The following SGCG variants were observed in gnomAD, a reference collection of about 807,000 sequenced individuals.
SGCG encodes the protein gamma-sarcoglycan.
In SGCG, 26 loss-of-function variants were observed where a neutral mutation model predicts 29.3. The ratio of observed to expected loss-of-function variants is 0.89; its 90% CI spans 0.65 to 1.23. The LOEUF is 1.23. Ranked by LOEUF, SGCG falls within the 50% of genes most tolerant of loss-of-function variation. The pLI is 0.00. For synonymous variants in SGCG, 145 were observed against 129.7 expected (o/e 1.12, Z -0.80); for missense variants, 353 against 356.0 (o/e 0.99, Z 0.07).
chr13:23,277,124 T>G (rs1954491026), intron 4 of SGCG, among the ~76,000 whole-genome samples: 1 of 152,218 alleles, frequency 6.6e-6, no homozygotes, highest in Admixed American at 6.5e-5. Context: ...ATTGATATAA[T>G]AACTATAGAA....
At chr13:23,208,566 C>T (rs1244423676) in intron 2 of SGCG, among the ~76,000 whole-genome samples, 1 of 152,098 alleles carries the variant, frequency 6.6e-6, no homozygotes, top group Non-Finnish European at 1.5e-5. Context: ...ATCTGCCCAG[C>T]TGGGGTTAGA....
intron 6 of SGCG, among the ~76,000 whole-genome samples, chr13:23,309,545 G>A (rs568303005): frequency 3.1e-4 from 47 of 152,308 alleles, no homozygotes; most frequent in African/African-American, 1.0e-3. Flanking sequence ...TGGGACAAAT[G>A]TTGGCTAGAA....
At chr13:23,310,375 C>G (rs529074513) in intron 6 of SGCG, among the ~76,000 whole-genome samples, 1 of 152,008 alleles carries the variant, frequency 6.6e-6, no homozygotes, top group Non-Finnish European at 1.5e-5. Context: ...CGTGAGCCAC[C>G]GCGCCGGGCC....
intron 1 of SGCG, 91 bp from the exon 2 acceptor site, chr13:23,203,604 A>G: frequency 2.3e-6 from 2 of 863,308 alleles, no homozygotes; most frequent in Non-Finnish European, 1.9e-6. Context: ...ATATGTTTTC[A>G]GGCTCATAGT....
chr13:23,306,529 A>C (rs557988693), intron 6 of SGCG, among the ~76,000 whole-genome samples: 1 of 152,142 alleles, frequency 6.6e-6, no homozygotes, highest in African/African-American at 2.4e-5. Context: ...TGTTGTTTTC[A>C]TGGTTTTATA....
chr13:23,183,565 A>G (rs1383892276), intron 1 of SGCG, among the ~76,000 whole-genome samples: 1 of 152,190 alleles, frequency 6.6e-6, no homozygotes, highest in Non-Finnish European at 1.5e-5. Flanking sequence ...GGTAAGGTCT[A>G]TGAAGGAAAG....
chr13:23,299,271 T>C (rs1593097836), intron 6 of SGCG, among the ~76,000 whole-genome samples: 1 of 140,186 alleles, frequency 7.1e-6, no homozygotes, highest in South Asian at 2.4e-4. Context: ...TGCCTCTGAC[T>C]GATTATATGA....
chr13:23,253,300 G>T (rs150767319), intron 4 of SGCG, among the ~76,000 whole-genome samples: 1 of 152,124 alleles, frequency 6.6e-6, no homozygotes, highest in Admixed American at 6.5e-5. Flanking sequence ...TGAACTGTTC[G>T]CCTCAATCTC....
In SGCG at chr13:23,282,871, C is replaced by T. The variant is rs117907060; in HGVS notation, c.505+3393C>T. ...GCATTCTTAGCCATTTAGTGGCATC[C>T]TTAGCCAGTAGTCATTCAGGAGCAG... On this transcript the variant is annotated intron_variant, in intron 5 of 7. Coordinates refer to ENST00000218867, the MANE Select transcript of SGCG (RefSeq NM_000231.3). Among the ~76,000 whole-genome samples, 703 of 152,198 alleles carry T rather than the reference C, an allele frequency of 4.6e-3. 4 individuals are homozygous for T. Among genetic ancestry groups the T allele is most frequent in the Non-Finnish European group, 8.5e-3 (576 of 68,000 alleles).
intron 1 of SGCG, among the ~76,000 whole-genome samples, chr13:23,191,086 A>G (rs965622174): frequency 6.6e-6 from 1 of 152,212 alleles, no homozygotes; most frequent in Non-Finnish European, 1.5e-5. Flanking sequence ...TATATAGTCT[A>G]CTAAAAAGTT....
At position 23,315,716 on chromosome 13, in the gene SGCG, T is replaced by C. The variant is rs562121069; in HGVS notation, c.579-4921T>C. Among the ~76,000 whole-genome samples the C allele has an allele frequency of 5.3e-5, 8 of 152,304 alleles. No individual in the cohort carries two copies. The South Asian group carries it at 1.7e-3, about 32-fold the overall frequency. ...GCATGGAAGGAGAAATGGCCAGATATGCAATTATATACTGATTCATGGGCT... is the reference window on the plus strand; with the variant it reads ...GCATGGAAGGAGAAATGGCCAGATACGCAATTATATACTGATTCATGGGCT... On this transcript the variant is annotated intron_variant, in intron 6 of 7. Coordinates refer to ENST00000218867, the MANE Select transcript of SGCG (RefSeq NM_000231.3).
At chr13:23,254,253 T>C (rs897933065) in intron 4 of SGCG, among the ~76,000 whole-genome samples, 4 of 152,100 alleles carry the variant, frequency 2.6e-5, no homozygotes, top group Admixed American at 2.0e-4. Context: ...CTGTTAGAAA[T>C]GTGGGCAGTG....
At chr13:23,203,342 A>G (rs1877843829) in intron 1 of SGCG, among the ~76,000 whole-genome samples, 1 of 151,580 alleles carries the variant, frequency 6.6e-6, no homozygotes, top group South Asian at 2.1e-4. Flanking sequence ...TGATTATTTT[A>G]GGTTAATGTT....
At chr13:23,288,814 A>G (rs1881596832) in intron 5 of SGCG, among the ~76,000 whole-genome samples, 1 of 152,218 alleles carries the variant, frequency 6.6e-6, no homozygotes. Flanking sequence ...AGTGTATTTT[A>G]GCTCCCTGGC....
At chr13:23,278,411 C>T (rs1399007463) in intron 4 of SGCG, among the ~76,000 whole-genome samples, 1 of 150,380 alleles carries the variant, frequency 6.6e-6, no homozygotes, top group Admixed American at 6.6e-5. Flanking sequence ...CCATTGCACT[C>T]CAGCCTGGGC....
At chr13:23,182,312 C>T (rs549838078) in intron 1 of SGCG, among the ~76,000 whole-genome samples, 115 of 152,254 alleles carry the variant, frequency 7.6e-4, no homozygotes, top group South Asian at 1.7e-3. Flanking sequence ...ATCTGTGGCT[C>T]ATCACAGCGC....
At chr13:23,192,538 C>T (rs543027842) in intron 1 of SGCG, among the ~76,000 whole-genome samples, 30 of 152,048 alleles carry the variant, frequency 2.0e-4, no homozygotes, top group African/African-American at 7.2e-4. Flanking sequence ...GGATTACAGG[C>T]GCCTGCCACC....
intron 5 of SGCG, among the ~76,000 whole-genome samples, chr13:23,286,253 CA>C (rs1471986991): frequency 6.6e-6 from 1 of 152,160 alleles, no homozygotes; most frequent in Non-Finnish European, 1.5e-5. Context: ...AAAGCAGATG[CA>C]AATTGATCGT....
At chr13:23,167,442 C>T in the SGCG span, among the ~76,000 whole-genome samples, 115 of 152,296 alleles carry the variant, frequency 7.6e-4, 1 homozygote, top group African/African-American at 2.7e-3. Context: ...ATTGCTGAAT[C>T]TCATAGTAGC....
Sources: gnomAD v4.1 joint callset for allele counts (sites outside exome capture counted in the v4.1 genomes callset) on GRCh38, gnomAD v4.1.1 for gene constraint, MANE v1.5 for transcripts, NCBI Gene and HGNC (gene_info 2026-07-23, HGNC 2026-07-21) for gene names.